Variants in TTC34 observed in about 807,000 individuals in gnomAD.
TTC34 encodes the protein tetratricopeptide repeat domain 34.
In TTC34, 44 loss-of-function variants were observed where a neutral mutation model predicts 40.7. The observed-to-expected ratio is 1.08, with a 90% CI of 0.85 to 1.39. The LOEUF (loss-of-function observed/expected upper bound fraction) is 1.39. Among genes scored for constraint, TTC34 ranks in the 40% most tolerant of loss-of-function variants. TTC34 has a pLI of 0.00. For missense variants in TTC34, 884 were observed against 838.0 expected (o/e 1.05, Z -0.68); for synonymous variants, 422 against 398.6 (o/e 1.06, Z -0.70).
chr1:2,694,602 C>T (rs1369539079), intron 6 of TTC34, among the ~76,000 whole-genome samples: 3 of 89,804 alleles, frequency 3.3e-5, no homozygotes, highest in Non-Finnish European at 7.8e-5. Context: ...CACAGGCGAG[C>T]ATCTGAAACC....
At chr1:2,775,809 C>A (rs1417659327) in intron 6 of TTC34, among the ~76,000 whole-genome samples, 1 of 146,382 alleles carries the variant, frequency 6.8e-6, no homozygotes, top group East Asian at 2.0e-4. Context: ...GAGCATCTGA[C>A]AGCCTGGAGC....
In TTC34 at chr1:2,645,232, G is replaced by T; in HGVS notation, c.2497+61C>A. 1.4e-6 allele frequency: 2 copies of T among 1,427,902 alleles called. No homozygotes were observed. Among genetic ancestry groups the T allele is most frequent in the South Asian group, 1.5e-5 (1 of 67,026 alleles). The allele number at this position is 1,427,902 out of a possible 1,614,324, so 88.5% of individuals were successfully genotyped here. ...CATTTTTACAGAACAGGATACAGAG[G>T]TCAGAGGAGCGGGGACAGAAGCCCA... On this transcript the variant is annotated intron_variant, in intron 7 of 8. Coordinates refer to ENST00000401095, the Ensembl canonical transcript of TTC34. The surrounding 1 kb of genome is among the most constrained non-coding windows in gnomAD (Gnocchi z 4.7).
In TTC34 at chr1:2,645,243, G is replaced by C. The variant is rs376250921; in HGVS notation, c.2497+50C>G. 16 of 1,431,156 alleles carry C rather than the reference G, an allele frequency of 1.1e-5. No homozygotes were observed. The highest frequency in any genetic ancestry group is 1.4e-5 in the Non-Finnish European group (15 of 1,094,486). The allele number at this position is 1,431,156 out of a possible 1,614,324, so 88.7% of individuals were successfully genotyped here. ...AACAGGATACAGAGGTCAGAGGAGCGGGGACAGAAGCCCAGACCCCGTGTT... is the reference window on the plus strand; with the variant it reads ...AACAGGATACAGAGGTCAGAGGAGCCGGGACAGAAGCCCAGACCCCGTGTT... On this transcript the variant is annotated intron_variant, in intron 7 of 8. Coordinates refer to ENST00000401095, the Ensembl canonical transcript of TTC34. The surrounding 1 kb of genome is among the most constrained non-coding windows in gnomAD (Gnocchi z 4.7).
At chr1:2,687,329 C>T (rs537831170) in intron 6 of TTC34, among the ~76,000 whole-genome samples, 3 of 120,524 alleles carry the variant, frequency 2.5e-5, no homozygotes, top group African/African-American at 1.2e-4. Context: ...CCCAAACCCA[C>T]AGGTGAGCAT....
intron 6 of TTC34, among the ~76,000 whole-genome samples, chr1:2,656,461 AGGTGCG>A: frequency 2.5e-5 from 1 of 40,438 alleles, no homozygotes; most frequent in Non-Finnish European, 4.7e-5. Flanking sequence ...CTGCACCCCC[AGGTGCG>A]CACGTGACAG....
rs1032909430 is a variant in TTC34, at chr1:2,796,259, T to C, written c.784+3785A>G. Among the ~76,000 whole-genome samples the C allele has an allele frequency of 1.3e-5, 2 of 152,220 alleles. No homozygotes were observed. The highest frequency in any genetic ancestry group is 2.4e-5 in the African/African-American group (1 of 41,458). ...CAGCACAAATGGAGCGACTGGTTTG[T>C]GCAATGTTTCCAAGGACTTTGGAAA... On this transcript the variant is annotated intron_variant, in intron 2 of 8. Coordinates refer to ENST00000401095, the Ensembl canonical transcript of TTC34. The surrounding 1 kb of genome is among the most constrained non-coding windows in gnomAD (Gnocchi z 4.5).
intron 4 of TTC34, 94 bp from the exon 5 acceptor site, chr1:2,786,117 C>T (rs1643585350): frequency 2.5e-6 from 3 of 1,183,864 alleles, no homozygotes; most frequent in South Asian, 2.0e-5. Context: ...CCACCCCACC[C>T]TCACTGCCCC....
chr1:2,771,805 C>A (rs1228902914), intron 6 of TTC34, among the ~76,000 whole-genome samples: 34 of 112,068 alleles, frequency 3.0e-4, no homozygotes, highest in Non-Finnish European at 4.8e-4. Flanking sequence ...CACCCACACC[C>A]CCAGGTGAGC....
intron 6 of TTC34, among the ~76,000 whole-genome samples, chr1:2,752,527 CA>C (rs1641357358): frequency 5.6e-5 from 2 of 35,918 alleles, no homozygotes; most frequent in Admixed American, 2.7e-4. Flanking sequence ...GAGCAGCACC[CA>C]CATCCCCAGG....
intron 6 of TTC34, among the ~76,000 whole-genome samples, chr1:2,688,809 T>C (rs368465423): frequency 0.049 from 343 of 7,056 alleles, no homozygotes; most frequent in Middle Eastern, 0.12. Flanking sequence ...ACAGCACCCA[T>C]ACCCCCAGGT....
intron 6 of TTC34, among the ~76,000 whole-genome samples, chr1:2,683,726 A>T (rs1354839897): frequency 1.3e-5 from 2 of 149,520 alleles, no homozygotes; most frequent in Non-Finnish European, 2.9e-5. Context: ...CCAGGTGAGC[A>T]GCTGATATCC....
At chr1:2,754,848 A>AGCAGCCT (rs1641452747) in intron 6 of TTC34, among the ~76,000 whole-genome samples, 2 of 138,060 alleles carry the variant, frequency 1.4e-5, no homozygotes, top group Admixed American at 7.2e-5. Flanking sequence ...AGACTGGAAC[A>AGCAGCCT]GCACCCACAT....
At chr1:2,676,973 A>ACT (rs1639927600) in intron 6 of TTC34, among the ~76,000 whole-genome samples, 1 of 137,212 alleles carries the variant, frequency 7.3e-6, no homozygotes, top group Admixed American at 7.2e-5. Flanking sequence ...CTGCACCCCC[A>ACT]GGTGAGCATC....
chr1:2,789,815 T>C, exon 3 of TTC34: 1 of 455,368 alleles, frequency 2.2e-6, no homozygotes. Context: ...CACTACCGTC[T>C]GGAAGTCCTC....
rs1447500542 is a variant in TTC34 at position 2,645,274 on chromosome 1, C to T, written c.2497+19G>A. On this transcript the variant is annotated intron_variant, in intron 7 of 8. Transcript: ENST00000401095. The surrounding 1 kb of genome is among the most constrained non-coding windows in gnomAD (Gnocchi z 4.7). ...AGAAGCCCAGACCCCGTGTTTCCCACCTTGGGGCCGCCGCATACCCTGTGC... is the reference window on the plus strand; with the variant it reads ...AGAAGCCCAGACCCCGTGTTTCCCATCTTGGGGCCGCCGCATACCCTGTGC... 11 of 1,447,434 alleles carry T rather than the reference C, an allele frequency of 7.6e-6. No individual in the cohort carries two copies. In the South Asian group the frequency reaches 1.3e-4, roughly 17 times the overall value. 89.7% of individuals were successfully genotyped at this position (1,447,434 alleles called of 1,614,324 possible). A position where few individuals can be genotyped will look rare whatever the true frequency, so the allele number is the denominator to read the frequency against.
chr1:2,695,718 C>G (rs541150356), intron 6 of TTC34, among the ~76,000 whole-genome samples: 99 of 148,238 alleles, frequency 6.7e-4, no homozygotes, highest in Non-Finnish European at 1.0e-3. Flanking sequence ...ACCCACACCC[C>G]CAGGTGAGCA....
chr1:2,654,559 A>T (rs975300119), intron 6 of TTC34, among the ~76,000 whole-genome samples: 3,232 of 109,538 alleles, frequency 0.03, no homozygotes, highest in African/African-American at 0.11. Context: ...GACGGCCTGG[A>T]ACGGCACCCA....
chr1:2,752,188 C>T (rs1298913860), intron 6 of TTC34, among the ~76,000 whole-genome samples: 1 of 112,008 alleles, frequency 8.9e-6, no homozygotes, highest in Non-Finnish European at 1.8e-5. Context: ...GAGCATCTGA[C>T]AGCCTGGAAC....
chr1:2,753,654 A>AT, intron 6 of TTC34, among the ~76,000 whole-genome samples: 1 of 96,678 alleles, frequency 1.0e-5, no homozygotes, highest in South Asian at 3.7e-4. Flanking sequence ...AGCAGCACCC[A>AT]CACCCCAGGT....
Sources: gnomAD v4.1 joint callset for allele counts (sites outside exome capture counted in the v4.1 genomes callset) on GRCh38, gnomAD v4.1.1 for gene constraint, Gnocchi (gnomAD v3.1) non-coding constraint, MANE v1.5 for transcripts, NCBI Gene and HGNC (gene_info 2026-07-23, HGNC 2026-07-21) for gene names.